ATP13A5: variants seen among roughly 807,000 people sequenced by gnomAD.
The protein encoded by ATP13A5 is ATPase 13A5, also known as probable cation-transporting ATPase 13A5.
ATP13A5 carries 149 observed loss-of-function variants against 150.2 expected under a neutral mutation model. The observed-to-expected ratio is 0.99, with a 90% confidence interval of 0.87 to 1.14. The LOEUF (loss-of-function observed/expected upper bound fraction) is 1.14. Ranked by LOEUF, ATP13A5 falls within the 50% of genes most tolerant of loss-of-function variation. The probability of loss-of-function intolerance (pLI) is 0.00; values close to 1 mark genes in which losing one functional copy is unlikely to be tolerated. For missense variants in ATP13A5, 1,383 were observed against 1,449.3 expected (o/e 0.95, Z 0.74); for synonymous variants, 497 against 522.2 (o/e 0.95, Z 0.66).
chr3:193,285,053 A>G lies in ATP13A5; in HGVS notation c.3087T>C (p.Thr1029=). 1 of 1,614,104 alleles carries G rather than the reference A, an allele frequency of 6.2e-7. No individual in the cohort carries two copies. The change falls in exon 27 of 30, where the codon ACT becomes ACC. Residue 1029 remains threonine, a synonymous_variant. Coordinates refer to ENST00000342358, the MANE Select transcript of ATP13A5 (RefSeq NM_198505.4). Reference sequence around the variant, plus strand: ...AACCAGGAATCAGAGTTGCATTTCCAGTCCAGTTTCTTTCCAAACTCACAT... The same window carrying G: ...AACCAGGAATCAGAGTTGCATTTCCGGTCCAGTTTCTTTCCAAACTCACAT... The part of the protein sequence containing the change: ...STNVSLERNW[T]GNATLIPGSI...
intron 14 of ATP13A5, among the ~76,000 whole-genome samples, chr3:193,324,177 T>G (rs529539072): frequency 6.6e-6 from 1 of 152,292 alleles, no homozygotes; most frequent in Admixed American, 6.5e-5. Flanking sequence ...TTTTCCACTA[T>G]GGCAGCCTTC....
intron 23 of ATP13A5, among the ~76,000 whole-genome samples, chr3:193,303,449 TTGTGTGTGTA>T (rs1334961027): frequency 6.6e-6 from 1 of 152,060 alleles, no homozygotes; most frequent in Admixed American, 6.6e-5. Flanking sequence ...ATATATAATT[TTGTGTGTGTA>T]TGTGTGTGTA....
chr3:193,300,109 G>A (rs959524163), intron 24 of ATP13A5, among the ~76,000 whole-genome samples: 3 of 152,146 alleles, frequency 2.0e-5, no homozygotes, highest in African/African-American at 7.2e-5. Context: ...ATGTTTGAAA[G>A]GCTGCCATTG....
Position 193,314,974 on chromosome 3 carries a change from G to A in ATP13A5, c.2156C>T (p.Thr719Ile), listed in dbSNP as rs1282700147. 3 of 1,599,170 alleles carry A rather than the reference G, an allele frequency of 1.9e-6. No homozygotes were observed. The highest frequency in any genetic ancestry group is 2.2e-5 in the South Asian group (2 of 90,820). Residue 719 changes from threonine to isoleucine, a missense_variant and splice_region_variant, in exon 18 of 30, where the codon ACA becomes ATA. By Grantham distance (89) the Thr-to-Ile change is moderately conservative. Coordinates refer to ENST00000342358, the MANE Select transcript of ATP13A5 (RefSeq NM_198505.4). ...SEARIRTVMI[T>I]GDNLQTAITV... The stretch of plus-strand genomic sequence containing the variant: ...GGCCCCTAGAAACAAATACATACCT[G>A]TAATCATCACAGTCCTGATACGGGC...
At chr3:193,290,397 T>A (rs1298053952) in intron 25 of ATP13A5, among the ~76,000 whole-genome samples, 1 of 152,126 alleles carries the variant, frequency 6.6e-6, no homozygotes, top group Non-Finnish European at 1.5e-5. Context: ...GCTCGTGGGA[T>A]AAGCAACACT....
At chr3:193,328,394 T>C (rs1719549297) in intron 12 of ATP13A5, among the ~76,000 whole-genome samples, 1 of 152,254 alleles carries the variant, frequency 6.6e-6, no homozygotes, top group Non-Finnish European at 1.5e-5. Flanking sequence ...TCCTGCATTT[T>C]ATAAAGGACT....
At chr3:193,290,634 A>T (rs1717913136) in intron 25 of ATP13A5, among the ~76,000 whole-genome samples, 1 of 152,152 alleles carries the variant, frequency 6.6e-6, no homozygotes, top group African/African-American at 2.4e-5. Flanking sequence ...GGGACTGCTG[A>T]TGTATGTTAC....
At chr3:193,327,446 T>G (rs1719506175) in intron 12 of ATP13A5, among the ~76,000 whole-genome samples, 1 of 152,196 alleles carries the variant, frequency 6.6e-6, no homozygotes, top group African/African-American at 2.4e-5. Context: ...TTTTTTTTTG[T>G]TCATTTTCGA....
chr3:193,344,674 T>C (rs1260855132), intron 8 of ATP13A5, among the ~76,000 whole-genome samples: 2 of 152,056 alleles, frequency 1.3e-5, no homozygotes. Flanking sequence ...ATGAGTGACA[T>C]GTGAAGGGGA....
chr3:193,324,792 A>G (rs1719412021), intron 14 of ATP13A5, 72 bp downstream of exon 14: 1 of 1,531,100 alleles, frequency 6.5e-7, no homozygotes, highest in African/African-American at 1.4e-5. Flanking sequence ...TTTAACAAAA[A>G]TTAGAAAAGC....
chr3:193,339,521 C>G lies in ATP13A5; in HGVS notation c.943+4406G>C, dbSNP rs73074767. 2.0e-5 allele frequency among the ~76,000 whole-genome samples: 3 copies of G among 152,208 alleles called. No homozygotes were observed. In the East Asian group the frequency reaches 5.8e-4, roughly 29 times the overall value. ...TTGGTTTTTCAAAACTCATTTTCTG[C>G]TGTGATGTATTTTTACATGCTAAGG... On this transcript the variant is annotated intron_variant, in intron 9 of 29. Coordinates refer to ENST00000342358, the MANE Select transcript of ATP13A5 (RefSeq NM_198505.4).
chr3:193,314,838 G>C, intron 18 of ATP13A5, 134 bp downstream of exon 18: 1 of 1,133,054 alleles, frequency 8.8e-7, no homozygotes, highest in East Asian at 2.4e-5. Context: ...TTTAGGTAAG[G>C]GACTACAGGG....
chr3:193,348,632 G>GA (rs1380859103), intron 7 of ATP13A5, among the ~76,000 whole-genome samples: 1 of 152,142 alleles, frequency 6.6e-6, no homozygotes, highest in African/African-American at 2.4e-5. Context: ...AGTAGATGCA[G>GA]AAAAACATCT....
chr3:193,289,449 G>C (rs1717857819), intron 26 of ATP13A5, among the ~76,000 whole-genome samples: 1 of 152,108 alleles, frequency 6.6e-6, no homozygotes, highest in East Asian at 1.9e-4. Flanking sequence ...ACCTGATTTT[G>C]TAGATAATGT....
chr3:193,324,416 G>A (rs936826370), intron 14 of ATP13A5, among the ~76,000 whole-genome samples: 1 of 152,134 alleles, frequency 6.6e-6, no homozygotes, highest in Non-Finnish European at 1.5e-5. Flanking sequence ...CATATGGCTC[G>A]TGGCTGCTCT....
chr3:193,355,940 G>A (rs893575121), intron 5 of ATP13A5, among the ~76,000 whole-genome samples: 1 of 152,142 alleles, frequency 6.6e-6, no homozygotes, highest in African/African-American at 2.4e-5. Flanking sequence ...AAGCTTAATG[G>A]TTGAGAAATG....
At chr3:193,342,580 A>C (rs1352619882) in intron 9 of ATP13A5, among the ~76,000 whole-genome samples, 2 of 152,184 alleles carry the variant, frequency 1.3e-5, no homozygotes, top group East Asian at 3.8e-4. Context: ...CTTGTCATTT[A>C]AGGTTATTTG....
Position 193,378,662 on chromosome 3 carries a change from C to T in ATP13A5, c.63+1G>A. On this transcript the variant is annotated splice_donor_variant, in intron 1 of 29. Transcript: ENST00000342358. LOFTEE classifies it high-confidence loss of function. ...ACTAATAAAATAAAGGGAAGACTCACCAGTTCATCCTCCTCTCCCTGGTTG... is the reference window on the plus strand; with the variant it reads ...ACTAATAAAATAAAGGGAAGACTCATCAGTTCATCCTCCTCTCCCTGGTTG... 6.2e-7 allele frequency: 1 copy of T among 1,613,546 alleles called. No individual in the cohort carries two copies. The highest frequency in any genetic ancestry group is 8.5e-7 in the Non-Finnish European group (1 of 1,179,484).
At chr3:193,362,857 T>C (rs1022408590) in intron 3 of ATP13A5, among the ~76,000 whole-genome samples, 6 of 147,488 alleles carry the variant, frequency 4.1e-5, no homozygotes, top group African/African-American at 5.0e-5. Context: ...TGCAGTGGCG[T>C]GATGACCACT....
Sources: allele counts gnomAD v4.1 joint callset (sites outside exome capture counted in the v4.1 genomes callset), GRCh38; gene constraint gnomAD v4.1.1; transcripts MANE v1.5; gene names NCBI Gene and HGNC (gene_info 2026-07-23, HGNC 2026-07-21).